Variants in ATRNL1 observed in about 807,000 individuals in gnomAD.
The protein encoded by ATRNL1 is attractin like 1.
ATRNL1 carries 95 observed loss-of-function variants against 182.7 expected under a neutral mutation model. The ratio of observed to expected loss-of-function variants is 0.52; its 90% confidence interval spans 0.44 to 0.62. ATRNL1 has a LOEUF of 0.62. Among genes scored for constraint, ATRNL1 ranks in the 20% least tolerant of loss-of-function variants. The pLI is 0.00. For synonymous variants in ATRNL1, 576 were observed against 568.3 expected (o/e 1.01, Z -0.19); for missense variants, 1,471 against 1,679.5 (o/e 0.88, Z 2.17).
Position 115,373,900 on chromosome 10 carries a change from A to G in ATRNL1, c.3176-20759A>G, listed in dbSNP as rs150573654. ...GCCATATAAAAATGAGTTTGGAAAC[A>G]TTTCCTATTTTAATGTTTTTGGAAA... On this transcript the variant is annotated intron_variant, in intron 19 of 28. Coordinates refer to ENST00000355044, the MANE Select transcript of ATRNL1 (RefSeq NM_207303.4). Among the ~76,000 whole-genome samples, 636 of 152,022 alleles carry G rather than the reference A, an allele frequency of 4.2e-3. 1 individual carries two copies. Among genetic ancestry groups the G allele is most frequent in the Middle Eastern group, 0.01 (3 of 294 alleles).
intron 24 of ATRNL1, among the ~76,000 whole-genome samples, chr10:115,485,533 A>G (rs1367246521): frequency 6.6e-6 from 1 of 152,074 alleles, no homozygotes; most frequent in Non-Finnish European, 1.5e-5. Context: ...AATACAACAT[A>G]TTATCATTAA....
intron 20 of ATRNL1, among the ~76,000 whole-genome samples, chr10:115,412,385 G>A (rs887342253): frequency 2.0e-4 from 31 of 152,176 alleles, no homozygotes; most frequent in African/African-American, 5.8e-4. Flanking sequence ...TGGACCCTAG[G>A]TGCAGCCAAC....
intron 10 of ATRNL1, among the ~76,000 whole-genome samples, chr10:115,253,805 C>G (rs1850991714): frequency 6.6e-6 from 1 of 152,082 alleles, no homozygotes; most frequent in Non-Finnish European, 1.5e-5. Flanking sequence ...AACCCCACAA[C>G]AGGCCCCATT....
chr10:115,666,106 A>G (rs1183863360), intron 26 of ATRNL1, among the ~76,000 whole-genome samples: 2 of 152,182 alleles, frequency 1.3e-5, no homozygotes, highest in Non-Finnish European at 2.9e-5. Context: ...AAGAAAGTGG[A>G]AAGATAGCTG....
intron 26 of ATRNL1, among the ~76,000 whole-genome samples, chr10:115,670,924 A>T (rs1945677840): frequency 1.3e-5 from 2 of 152,168 alleles, no homozygotes; most frequent in African/African-American, 4.8e-5. Flanking sequence ...TTAGATGCTG[A>T]AAATATTACA....
chr10:115,792,977 A>G (rs1041319913), intron 27 of ATRNL1, among the ~76,000 whole-genome samples: 2 of 152,056 alleles, frequency 1.3e-5, no homozygotes, highest in Non-Finnish European at 2.9e-5. Context: ...GATATTTAGA[A>G]TAAGTAGTAT....
At chr10:115,817,882 T>TG (rs1398099032) in intron 27 of ATRNL1, among the ~76,000 whole-genome samples, 2 of 42,790 alleles carry the variant, frequency 4.7e-5, no homozygotes, top group African/African-American at 1.1e-4. Flanking sequence ...GTTGTGTTTT[T>TG]TTTTTTTTTT....
At chr10:115,393,674 T>C (rs1844145620) in intron 19 of ATRNL1, among the ~76,000 whole-genome samples, 2 of 152,258 alleles carry the variant, frequency 1.3e-5, no homozygotes, top group Non-Finnish European at 2.9e-5. Context: ...AGATATCTGC[T>C]ATGTGATTAT....
chr10:115,098,555 G>A (rs1026967154), intron 1 of ATRNL1, among the ~76,000 whole-genome samples: 45 of 146,436 alleles, frequency 3.1e-4, no homozygotes, highest in Admixed American at 7.0e-4. Context: ...TCCGCTTCCT[G>A]GGTTCACGCC....
At chr10:115,726,716 A>G (rs1555060205) in intron 26 of ATRNL1, among the ~76,000 whole-genome samples, 1 of 152,228 alleles carries the variant, frequency 6.6e-6, no homozygotes, top group Admixed American at 6.5e-5. Flanking sequence ...ACTGCCAATA[A>G]TAATTCCTTC....
At chr10:115,802,835 C>T (rs1274373789) in intron 27 of ATRNL1, among the ~76,000 whole-genome samples, 1 of 152,114 alleles carries the variant, frequency 6.6e-6, no homozygotes, top group Non-Finnish European at 1.5e-5. Context: ...TAAAACTTTT[C>T]CAGAATATTA....
intron 19 of ATRNL1, among the ~76,000 whole-genome samples, chr10:115,356,297 A>G (rs782608516): frequency 6.6e-5 from 10 of 152,108 alleles, no homozygotes; most frequent in Non-Finnish European, 1.0e-4. Context: ...CTGCAGATAC[A>G]TGAAAATAGC....
chr10:115,435,262 G>A lies in ATRNL1; in HGVS notation c.3322+8960G>A, dbSNP rs528386479. On this transcript the variant is annotated intron_variant, in intron 21 of 28. Transcript: ENST00000355044. Reference sequence around the variant, plus strand: ...TCTTGATCTCCTGACCTCATGATCCGCCCTTCTCGGCCTCCCAAAGTGCTG... The same window carrying A: ...TCTTGATCTCCTGACCTCATGATCCACCCTTCTCGGCCTCCCAAAGTGCTG... Among the ~76,000 whole-genome samples the A allele has an allele frequency of 5.3e-5, 8 of 152,018 alleles. No homozygotes were observed. The South Asian group carries it at 1.5e-3, about 28-fold the overall frequency.
At chr10:115,436,687 A>T (rs782052763) in intron 21 of ATRNL1, among the ~76,000 whole-genome samples, 3 of 152,130 alleles carry the variant, frequency 2.0e-5, no homozygotes, top group Non-Finnish European at 2.9e-5. Context: ...CAAGGGTGAC[A>T]TATTTTTTCT....
chr10:115,148,695 G>A (rs901382883), intron 5 of ATRNL1, among the ~76,000 whole-genome samples: 28 of 151,220 alleles, frequency 1.9e-4, no homozygotes, highest in Non-Finnish European at 4.0e-4. Flanking sequence ...GCTCCCCTGT[G>A]CAGAGAGAGT....
chr10:115,804,671 G>A lies in ATRNL1; in HGVS notation c.3904-43206G>A, dbSNP rs189432079. ...AGCCTGAACTGACGGAGACACATGC[G>A]TACCACAAACAACAAAGGCTCAAGG... On this transcript the variant is annotated intron_variant, in intron 27 of 28. Coordinates refer to ENST00000355044, the MANE Select transcript of ATRNL1 (RefSeq NM_207303.4). 1.8e-3 allele frequency among the ~76,000 whole-genome samples: 270 copies of A among 152,184 alleles called. 1 individual carries two copies. Among genetic ancestry groups the A allele is most frequent in the Non-Finnish European group, 3.1e-3 (208 of 68,016 alleles).
At chr10:115,744,717 A>C (rs2134105054) in intron 27 of ATRNL1, among the ~76,000 whole-genome samples, 1 of 152,268 alleles carries the variant, frequency 6.6e-6, no homozygotes, top group East Asian at 1.9e-4. Context: ...GTGTATGAAT[A>C]TGTAAATGCA....
intron 27 of ATRNL1, among the ~76,000 whole-genome samples, chr10:115,771,188 A>G (rs1948979371): frequency 6.6e-6 from 1 of 152,146 alleles, no homozygotes; most frequent in South Asian, 2.1e-4. Context: ...GACTTTACCA[A>G]AGTTATTATT....
chr10:115,288,481 AT>A (rs1304267310), intron 15 of ATRNL1, among the ~76,000 whole-genome samples: 1 of 140,564 alleles, frequency 7.1e-6, no homozygotes, highest in African/African-American at 2.6e-5. Context: ...GATGTTGACC[AT>A]TTTTTTCACA....
Sources: allele counts gnomAD v4.1 joint callset (sites outside exome capture counted in the v4.1 genomes callset), GRCh38; gene constraint gnomAD v4.1.1; transcripts MANE v1.5; gene names NCBI Gene and HGNC (gene_info 2026-07-23, HGNC 2026-07-21).